RXFP2: variants seen among roughly 807,000 people sequenced by gnomAD.
RXFP2 encodes the protein relaxin family peptide receptor 2.
Under a neutral mutation model 88.6 loss-of-function variants are expected in RXFP2, and 68 were observed. That is an observed-to-expected ratio of 0.77 (90% CI 0.63 to 0.94). RXFP2 has a LOEUF of 0.94. Ranked by LOEUF, RXFP2 falls within the 40% of genes least tolerant of loss-of-function variation. RXFP2 has a pLI of 0.00. For missense variants in RXFP2, 791 were observed against 893.9 expected (o/e 0.88, Z 1.47); for synonymous variants, 329 against 306.8 (o/e 1.07, Z -0.76).
At chr13:31,777,031 T>C (rs577882057) in intron 7 of RXFP2, among the ~76,000 whole-genome samples, 126 of 152,302 alleles carry the variant, frequency 8.3e-4, no homozygotes, top group African/African-American at 2.8e-3. Flanking sequence ...AATTAGTAGG[T>C]TAAGGCATTT....
Position 31,775,378 on chromosome 13 carries a change from G to A in RXFP2, c.630G>A (p.Gln210=). The change falls in exon 7 of 18, where the codon CAG becomes CAA. Residue 210 remains glutamine (Q), a synonymous_variant. Coordinates refer to ENST00000298386, the MANE Select transcript of RXFP2 (RefSeq NM_130806.5). Reference sequence around the variant, plus strand: ...CTGGAATATTCAAAGACTTACATCAGCTAACTTGGCTGTAAGTACTCTAAT... The same window carrying A: ...CTGGAATATTCAAAGACTTACATCAACTAACTTGGCTGTAAGTACTCTAAT... ...LRPGIFKDLH[Q]LTWLILDDNP... 2 of 1,611,174 alleles carry A rather than the reference G, an allele frequency of 1.2e-6. No homozygotes were observed. Among genetic ancestry groups the A allele is most frequent in the Non-Finnish European group, 1.7e-6 (2 of 1,177,450 alleles).
intron 1 of RXFP2, among the ~76,000 whole-genome samples, chr13:31,745,514 C>A (rs1468889096): frequency 6.6e-6 from 1 of 152,200 alleles, no homozygotes; most frequent in African/African-American, 2.4e-5. Flanking sequence ...CAATGCTTGG[C>A]TTCATGCAGA....
Position 31,775,355 on chromosome 13 carries a change from G to A in RXFP2, c.607G>A (p.Gly203Arg). The A allele has an allele frequency of 6.2e-7, 1 of 1,613,548 alleles. No homozygotes were observed. The highest frequency in any genetic ancestry group is 8.5e-7 in the Non-Finnish European group (1 of 1,179,648). Residue 203 changes from glycine to arginine, a missense_variant, in exon 7 of 18, where the codon GGA becomes AGA. Transcript: ENST00000298386. Reference sequence around the variant, plus strand: ...CAACTGCATCACAACCCTCAGACCTGGAATATTCAAAGACTTACATCAGCT... The same window carrying A: ...CAACTGCATCACAACCCTCAGACCTAGAATATTCAAAGACTTACATCAGCT... ...NHNCITTLRP[G>R]IFKDLHQLTW...
At chr13:31,780,395 A>G (rs960298659) in intron 9 of RXFP2, among the ~76,000 whole-genome samples, 5 of 152,226 alleles carry the variant, frequency 3.3e-5, no homozygotes, top group Admixed American at 6.5e-5. Flanking sequence ...GAGAACATGA[A>G]AAACATTTTT....
chr13:31,751,447 A>G (rs1274448985), intron 1 of RXFP2, among the ~76,000 whole-genome samples: 1 of 152,184 alleles, frequency 6.6e-6, no homozygotes, highest in Non-Finnish European at 1.5e-5. Flanking sequence ...TTTGTGCATC[A>G]CAAAAGAAGA....
At chr13:31,774,753 G>A (rs1332832588) in intron 6 of RXFP2, 62 bp downstream of exon 6, 2 of 916,932 alleles carry the variant, frequency 2.2e-6, no homozygotes, top group Admixed American at 1.7e-5. Context: ...AGGATAGAAT[G>A]GTACTTTTTC....
rs1380210873 is a variant in RXFP2, at chr13:31,803,311, G to C, written c.*906G>C. 6.6e-6 allele frequency: 1 copy of C among 152,112 alleles called. No homozygotes were observed. The highest frequency in any genetic ancestry group is 1.5e-5 in the Non-Finnish European group (1 of 68,024). The allele number at this position is 152,112 out of a possible 1,614,324, so 9.4% of individuals were successfully genotyped here. The stretch of plus-strand genomic sequence containing the variant: ...TTTTAACAAAAAAGCAATGAAGTTT[G>C]GGGTGGTTTTTTGAAAACGAAACTG... On this transcript the variant is annotated 3_prime_UTR_variant, in exon 18 of 18. Coordinates refer to ENST00000298386, the MANE Select transcript of RXFP2 (RefSeq NM_130806.5).
At chr13:31,744,099 C>CA in intron 1 of RXFP2, among the ~76,000 whole-genome samples, 1 of 152,302 alleles carries the variant, frequency 6.6e-6, no homozygotes, top group East Asian at 1.9e-4. Flanking sequence ...CTCTATCCCA[C>CA]AGTCTCCTGG....
chr13:31,758,301 A>G lies in RXFP2; in HGVS notation c.138A>G (p.Gln46=). ...GTAGCATGATCACTCCTTCATGCCAAAAAGGATATTTTCCCTGTGGGAATC... is the reference window on the plus strand; with the variant it reads ...GTAGCATGATCACTCCTTCATGCCAGAAAGGATATTTTCCCTGTGGGAATC... The part of the protein sequence containing the change: ...TQGSMITPSC[Q]KGYFPCGNLT... Residue 46 remains glutamine (Q), a synonymous_variant, in exon 2 of 18, where the codon CAA becomes CAG. Coordinates refer to ENST00000298386, the MANE Select transcript of RXFP2 (RefSeq NM_130806.5). The G allele has an allele frequency of 1.9e-6, 3 of 1,614,114 alleles. No homozygotes were observed. Among genetic ancestry groups the G allele is most frequent in the Non-Finnish European group, 2.5e-6 (3 of 1,179,980 alleles).
Position 31,793,090 on chromosome 13 carries a change from T to C in RXFP2, c.1786+2T>C. The stretch of plus-strand genomic sequence containing the variant: ...GGTATTCTCTTGGAATTTTCCTAGG[T>C]AAATTATATTTTTTCATTTCCTGGA... On this transcript the variant is annotated splice_donor_variant, in intron 16 of 17. Coordinates refer to ENST00000298386, the MANE Select transcript of RXFP2 (RefSeq NM_130806.5). LOFTEE classifies it high-confidence loss of function. 20 of 1,603,252 alleles carry C rather than the reference T, an allele frequency of 1.2e-5. No homozygotes were observed. Among genetic ancestry groups the C allele is most frequent in the Non-Finnish European group, 1.7e-5 (20 of 1,171,262 alleles).
At chr13:31,797,117 G>A in intron 16 of RXFP2, 84 bp from the exon 17 acceptor site, 1 of 942,570 alleles carries the variant, frequency 1.1e-6, no homozygotes, top group Non-Finnish European at 1.8e-6. Context: ...AAACATTTTG[G>A]GTAAGGGATA....
intron 1 of RXFP2, among the ~76,000 whole-genome samples, chr13:31,756,964 A>G (rs1795152345): frequency 6.6e-6 from 1 of 152,184 alleles, no homozygotes. Context: ...TTTATTAGCC[A>G]ACTTAAAACA....
In RXFP2 at chr13:31,743,352, C is replaced by T. The variant is rs9566475; in HGVS notation, c.94+3646C>T. Among the ~76,000 whole-genome samples, 143 of 152,032 alleles carry T rather than the reference C, an allele frequency of 9.4e-4. 2 individuals carry two copies. The East Asian group carries it at 0.027, about 28-fold the overall frequency. On this transcript the variant is annotated intron_variant, in intron 1 of 17. Transcript: ENST00000298386. ...GCATGGTGGTGCACACCTGTGGTCC[C>T]AGCTACTCGGGAGGCTGAGGCAAGA...
At chr13:31,767,841 C>A (rs1872604057) in intron 5 of RXFP2, among the ~76,000 whole-genome samples, 3 of 152,148 alleles carry the variant, frequency 2.0e-5, no homozygotes, top group Non-Finnish European at 4.4e-5. Context: ...GACTGTCCCA[C>A]CCCATGTAGA....
chr13:31,792,637 A>G (rs377372735), intron 15 of RXFP2, 41 bp from the exon 16 acceptor site: 20 of 1,594,872 alleles, frequency 1.3e-5, no homozygotes, highest in Non-Finnish European at 1.7e-5. Context: ...AAACAGGGAC[A>G]TTGGAAACTG....
rs774326652 is a variant in RXFP2, at chr13:31,778,512, G to A, written c.714G>A (p.Leu238=). ...LFTGLNSLFF[L]SMVNNYLEAL... ...TAATTAACATTTTCTTTGTGTAAAG[G>A]TCTATGGTTAATAACTACTTAGAAG... The change falls in exon 9 of 18, where the codon CTG becomes CTA. Residue 238 remains leucine, a splice_region_variant and synonymous_variant. Transcript: ENST00000298386. 9 of 1,596,534 alleles carry A rather than the reference G, an allele frequency of 5.6e-6. No individual in the cohort carries two copies. The highest frequency in any genetic ancestry group is 1.1e-5 in the South Asian group (1 of 90,722).
chr13:31,767,353 A>G (rs1872587883), intron 5 of RXFP2, among the ~76,000 whole-genome samples: 1 of 152,178 alleles, frequency 6.6e-6, no homozygotes, highest in Non-Finnish European at 1.5e-5. Context: ...TGTCATTGCC[A>G]CACTGGAGTA....
At chr13:31,801,601 T>G (rs1488120541) in intron 17 of RXFP2, among the ~76,000 whole-genome samples, 1 of 152,156 alleles carries the variant, frequency 6.6e-6, no homozygotes, top group Non-Finnish European at 1.5e-5. Flanking sequence ...CTATTAGCAT[T>G]TGTAGGGCTG....
chr13:31,778,061 T>TC (rs1401141164), intron 8 of RXFP2, among the ~76,000 whole-genome samples: 1 of 152,186 alleles, frequency 6.6e-6, no homozygotes, highest in Non-Finnish European at 1.5e-5. Flanking sequence ...TTGTTTTCTT[T>TC]CCCCAAATTC....
Sources: allele counts gnomAD v4.1 joint callset (sites outside exome capture counted in the v4.1 genomes callset), GRCh38; gene constraint gnomAD v4.1.1; transcripts MANE v1.5; gene names NCBI Gene and HGNC (gene_info 2026-07-23, HGNC 2026-07-21).